Variants in PRRX1 observed in about 807,000 individuals in gnomAD.
The protein encoded by PRRX1 is paired related homeobox 1, also known as paired mesoderm homeobox protein 1.
In PRRX1, 8 loss-of-function variants were observed where a neutral mutation model predicts 24.0. That is an observed-to-expected ratio of 0.33 (90% confidence interval 0.20 to 0.60). The LOEUF is 0.60. PRRX1 is among the 20% of genes least tolerant of loss of function. PRRX1 has a pLI of 0.82. For missense variants in PRRX1, 281 were observed against 322.4 expected (o/e 0.87, Z 0.98); for synonymous variants, 160 against 131.7 (o/e 1.22, Z -1.47).
intron 1 of PRRX1, among the ~76,000 whole-genome samples, chr1:170,678,481 G>A (rs1394566046): frequency 6.6e-6 from 1 of 152,234 alleles, no homozygotes; most frequent in African/African-American, 2.4e-5. Context: ...CAAGAGAGAA[G>A]GGGCAGGTCA....
At chr1:170,665,178 C>A (rs867670827) in intron 1 of PRRX1, among the ~76,000 whole-genome samples, 1 of 152,252 alleles carries the variant, frequency 6.6e-6, no homozygotes, top group Non-Finnish European at 1.5e-5. Flanking sequence ...AAATCCAGCC[C>A]CGCATGATCC....
At chr1:170,697,147 C>G (rs775429002) in intron 1 of PRRX1, among the ~76,000 whole-genome samples, 2 of 152,088 alleles carry the variant, frequency 1.3e-5, no homozygotes, top group African/African-American at 4.8e-5. Flanking sequence ...TGCATGCACA[C>G]GCTCTCCAGG....
At chr1:170,697,319 T>G (rs905754935) in intron 1 of PRRX1, among the ~76,000 whole-genome samples, 2 of 152,222 alleles carry the variant, frequency 1.3e-5, no homozygotes, top group Non-Finnish European at 2.9e-5. Context: ...ATGATCTCCC[T>G]TGAAGGGTTA....
chr1:170,724,064 G>A (rs1655174188), intron 2 of PRRX1, among the ~76,000 whole-genome samples: 2 of 152,180 alleles, frequency 1.3e-5, no homozygotes, highest in Non-Finnish European at 2.9e-5. Context: ...TGTATGTAGT[G>A]TGCTTATATA....
chr1:170,683,844 G>A (rs915672188), intron 1 of PRRX1, among the ~76,000 whole-genome samples: 5 of 152,122 alleles, frequency 3.3e-5, no homozygotes, highest in African/African-American at 1.2e-4. Context: ...CTTCTTTTTA[G>A]TGTGTATGCA....
intron 1 of PRRX1, among the ~76,000 whole-genome samples, chr1:170,692,590 A>G (rs1255774407): frequency 1.4e-5 from 2 of 147,592 alleles, no homozygotes; most frequent in Non-Finnish European, 3.0e-5. Context: ...TTCTAGTTGA[A>G]TCTTTTTTTT....
At chr1:170,714,679 T>C (rs551091234) in intron 1 of PRRX1, among the ~76,000 whole-genome samples, 2 of 152,312 alleles carry the variant, frequency 1.3e-5, no homozygotes, top group Middle Eastern at 6.8e-3. Flanking sequence ...GAAGCTTGCA[T>C]GGCAAGAGCA....
intron 1 of PRRX1, among the ~76,000 whole-genome samples, chr1:170,690,111 T>G (rs1378912378): frequency 7.2e-6 from 1 of 139,668 alleles, no homozygotes; most frequent in East Asian, 2.0e-4. Flanking sequence ...TATAAGATCC[T>G]TACTCCTCCC....
intron 1 of PRRX1, among the ~76,000 whole-genome samples, chr1:170,664,921 G>T (rs555274633): frequency 6.6e-6 from 1 of 152,226 alleles, no homozygotes; most frequent in South Asian, 2.1e-4. Flanking sequence ...GACGGCTTGA[G>T]GGAGGGCACC....
At chr1:170,673,388 C>T (rs1653206372) in intron 1 of PRRX1, among the ~76,000 whole-genome samples, 2 of 152,196 alleles carry the variant, frequency 1.3e-5, no homozygotes, top group African/African-American at 4.8e-5. Context: ...TGCCTGTGTT[C>T]AGTTAATGCT....
At chr1:170,677,016 A>G (rs1161638343) in intron 1 of PRRX1, among the ~76,000 whole-genome samples, 2 of 152,224 alleles carry the variant, frequency 1.3e-5, no homozygotes, top group Non-Finnish European at 2.9e-5. Context: ...TTGTCATACT[A>G]TAAGGGAGTG....
intron 1 of PRRX1, among the ~76,000 whole-genome samples, chr1:170,679,536 A>T (rs1230357124): frequency 6.6e-6 from 1 of 152,094 alleles, no homozygotes. Flanking sequence ...AGTAGCTGGG[A>T]CTACAGGTGC....
chr1:170,694,798 G>C (rs1218032236), intron 1 of PRRX1, among the ~76,000 whole-genome samples: 1 of 152,106 alleles, frequency 6.6e-6, no homozygotes, highest in Non-Finnish European at 1.5e-5. Flanking sequence ...GATCTAATGA[G>C]TAACAGCTGT....
intron 3 of PRRX1, chr1:170,728,794 T>C (rs1006600581): frequency 6.6e-6 from 1 of 152,248 alleles, no homozygotes; most frequent in African/African-American, 2.4e-5. Context: ...TGGAGAATTT[T>C]CTGCTATGTT....
chr1:170,697,734 A>G (rs1230742470), intron 1 of PRRX1, among the ~76,000 whole-genome samples: 1 of 145,356 alleles, frequency 6.9e-6, no homozygotes, highest in Non-Finnish European at 1.5e-5. Context: ...AAATATATAC[A>G]TATATAAATA....
intron 1 of PRRX1, among the ~76,000 whole-genome samples, chr1:170,675,701 A>G (rs1653299368): frequency 1.3e-5 from 2 of 152,164 alleles, no homozygotes; most frequent in Admixed American, 1.3e-4. Context: ...CAGGGAAACA[A>G]CATATTTTAT....
chr1:170,691,723 G>A (rs776330587), intron 1 of PRRX1, among the ~76,000 whole-genome samples: 9 of 146,864 alleles, frequency 6.1e-5, no homozygotes, highest in Middle Eastern at 3.4e-3. Flanking sequence ...TCTCCTTCCC[G>A]CTTTCTCTTC....
chr1:170,688,310 G>A (rs758516354), intron 1 of PRRX1, among the ~76,000 whole-genome samples: 6 of 151,866 alleles, frequency 4.0e-5, no homozygotes, highest in Non-Finnish European at 8.8e-5. Flanking sequence ...TCTGAAACTG[G>A]ACTGTACTGA....
At chr1:170,731,355 T>G (rs1205928506) in intron 3 of PRRX1, among the ~76,000 whole-genome samples, 3 of 152,272 alleles carry the variant, frequency 2.0e-5, no homozygotes, top group East Asian at 3.9e-4. Context: ...TCAGGAAAAC[T>G]CATAGACTTC....
Sources: gnomAD v4.1 joint callset for allele counts (sites outside exome capture counted in the v4.1 genomes callset) on GRCh38, gnomAD v4.1.1 for gene constraint, MANE v1.5 for transcripts, NCBI Gene and HGNC (gene_info 2026-07-23, HGNC 2026-07-21) for gene names.